Variants in DOCK1 observed in about 807,000 individuals in gnomAD.
DOCK1 encodes dedicator of cytokinesis 1.
DOCK1 carries 138 observed loss-of-function variants against 262.7 expected under a neutral mutation model. The ratio of observed to expected loss-of-function variants is 0.53; its 90% CI spans 0.46 to 0.61. The LOEUF (loss-of-function observed/expected upper bound fraction) is 0.61. DOCK1 is among the 20% of genes least tolerant of loss of function. The probability of loss-of-function intolerance (pLI) is 0.00; values close to 1 mark genes in which losing one functional copy is unlikely to be tolerated. For missense variants in DOCK1, 1,908 were observed against 2,370.7 expected (o/e 0.80, Z 4.05); for synonymous variants, 866 against 867.4 (o/e 1.00, Z 0.03).
chr10:127,291,768 T>C (rs2061352473), intron 29 of DOCK1, among the ~76,000 whole-genome samples: 1 of 152,220 alleles, frequency 6.6e-6, no homozygotes, highest in Non-Finnish European at 1.5e-5. Flanking sequence ...CTGTTTATTA[T>C]AGCCTACGTA....
chr10:127,350,267 T>TAA (rs34989670), intron 31 of DOCK1, among the ~76,000 whole-genome samples: 23 of 151,392 alleles, frequency 1.5e-4, no homozygotes, highest in East Asian at 5.9e-4. Context: ...GGGGACGCTT[T>TAA]AAAAAAAACC....
In DOCK1 at chr10:127,394,912, G is replaced by A. The variant is rs111795518; in HGVS notation, c.3928-8143G>A. On this transcript the variant is annotated intron_variant, in intron 38 of 51. Coordinates refer to ENST00000623213, the MANE Select transcript of DOCK1 (RefSeq NM_001290223.2). ...CCTTCCGCCCATCACACAGGTGGGCGCTGGGTCTCCCTATCCCACAGGTGC... is the reference window on the plus strand; with the variant it reads ...CCTTCCGCCCATCACACAGGTGGGCACTGGGTCTCCCTATCCCACAGGTGC... Among the ~76,000 whole-genome samples, 1,284 of 152,262 alleles carry A rather than the reference G, an allele frequency of 8.4e-3. 20 individuals carry two copies. The highest frequency in any genetic ancestry group is 0.03 in the African/African-American group (1,227 of 41,554).
chr10:126,986,999 A>C (rs751048835), intron 4 of DOCK1, among the ~76,000 whole-genome samples: 8 of 152,216 alleles, frequency 5.3e-5, no homozygotes, highest in Non-Finnish European at 1.2e-4. Flanking sequence ...AGTTGGCATC[A>C]GATAGAGTAA....
intron 29 of DOCK1, among the ~76,000 whole-genome samples, chr10:127,261,192 GGTGT>G (rs147196926): frequency 7.1e-5 from 7 of 98,082 alleles, no homozygotes; most frequent in Admixed American, 2.2e-4. Flanking sequence ...TGTGCATGCG[GGTGT>G]GTGTGTGTAC....
At position 127,175,438 on chromosome 10, in the gene DOCK1, C is replaced by T. The variant is rs781714055; in HGVS notation, c.2847+47674C>T. On this transcript the variant is annotated intron_variant, in intron 27 of 51. Coordinates refer to ENST00000623213, the MANE Select transcript of DOCK1 (RefSeq NM_001290223.2). This position sits in a 1 kb window ranked among gnomAD's most constrained non-coding sequence, Gnocchi z 6.3. ...GGGGTGTGAGTCTGCGACGGCTGCT[C>T]ACTACATTCGGGGGACAGGCACTGC... The T allele has an allele frequency of 5.0e-6, 8 of 1,612,378 alleles. No individual in the cohort carries two copies. Among genetic ancestry groups the T allele is most frequent in the African/African-American group, 2.7e-5 (2 of 74,916 alleles).
intron 33 of DOCK1, among the ~76,000 whole-genome samples, chr10:127,371,390 T>A (rs1165212584): frequency 6.6e-6 from 1 of 152,250 alleles, no homozygotes; most frequent in Admixed American, 6.5e-5. Context: ...ATCATTAAGT[T>A]CATCAGTCAG....
At chr10:127,262,741 C>T (rs2060219508) in intron 29 of DOCK1, among the ~76,000 whole-genome samples, 1 of 152,192 alleles carries the variant, frequency 6.6e-6, no homozygotes, top group South Asian at 2.1e-4. Flanking sequence ...TGAGGCATTG[C>T]ACGTTTGCGT....
chr10:127,208,816 G>T (rs991454364), intron 27 of DOCK1, among the ~76,000 whole-genome samples: 1 of 152,100 alleles, frequency 6.6e-6, no homozygotes, highest in African/African-American at 2.4e-5. Context: ...AGATAATAAC[G>T]TTGAGATATT....
At chr10:127,099,862 C>T (rs748837243) in intron 23 of DOCK1, among the ~76,000 whole-genome samples, 12 of 152,162 alleles carry the variant, frequency 7.9e-5, no homozygotes, top group Non-Finnish European at 1.5e-4. Flanking sequence ...AAGCTAAGGA[C>T]TGAGGGGTAC....
At chr10:127,140,073 A>C (rs2051077340) in intron 27 of DOCK1, among the ~76,000 whole-genome samples, 1 of 152,172 alleles carries the variant, frequency 6.6e-6, no homozygotes, top group Non-Finnish European at 1.5e-5. Context: ...TGTGTTCTCC[A>C]GATCGTAACC....
At chr10:127,282,517 C>T (rs2060998876) in intron 29 of DOCK1, among the ~76,000 whole-genome samples, 1 of 152,200 alleles carries the variant, frequency 6.6e-6, no homozygotes, top group African/African-American at 2.4e-5. Flanking sequence ...TTCATTGACA[C>T]TTCTGCCCAT....
At chr10:127,359,577 C>T (rs2064311871) in intron 32 of DOCK1, among the ~76,000 whole-genome samples, 1 of 152,318 alleles carries the variant, frequency 6.6e-6, no homozygotes, top group South Asian at 2.1e-4. Flanking sequence ...CAAGAGAATG[C>T]TTTGCAGCAG....
chr10:127,265,030 T>G (rs1490078992), intron 29 of DOCK1, among the ~76,000 whole-genome samples: 4 of 152,212 alleles, frequency 2.6e-5, no homozygotes, highest in African/African-American at 9.6e-5. Flanking sequence ...AGGAATCAGT[T>G]GAGAATTCAA....
At chr10:127,189,213 T>G (rs1199128398) in intron 27 of DOCK1, among the ~76,000 whole-genome samples, 1 of 152,232 alleles carries the variant, frequency 6.6e-6, no homozygotes, top group African/African-American at 2.4e-5. Context: ...ACTTATACTT[T>G]AAAGCTGCAT....
At chr10:127,007,676 C>G (rs533481013) in intron 10 of DOCK1, 2 of 152,230 alleles carry the variant, frequency 1.3e-5, no homozygotes, top group Non-Finnish European at 2.9e-5. Flanking sequence ...AAGAAGATGG[C>G]AAAGGATATT....
At chr10:127,131,087 T>C (rs1164489548) in intron 27 of DOCK1, among the ~76,000 whole-genome samples, 2 of 152,190 alleles carry the variant, frequency 1.3e-5, no homozygotes, top group African/African-American at 4.8e-5. Flanking sequence ...ACCCCTGTGT[T>C]CTAAGGAACC....
intron 1 of DOCK1, among the ~76,000 whole-genome samples, chr10:126,946,478 G>A (rs1007680711): frequency 0.051 from 7,763 of 152,148 alleles, 264 homozygotes; most frequent in Middle Eastern, 0.16. Flanking sequence ...CCCGGAAGGC[G>A]GAGGTTGCAG....
chr10:127,274,163 G>A (rs1290713774), intron 29 of DOCK1, among the ~76,000 whole-genome samples: 4 of 152,140 alleles, frequency 2.6e-5, no homozygotes, highest in East Asian at 1.9e-4. Flanking sequence ...TGACAGAAAC[G>A]GTAGAGAAAG....
In DOCK1 at chr10:127,125,456, A is replaced by T; in HGVS notation, c.2624-18A>T. 6.2e-7 allele frequency: 1 copy of T among 1,611,762 alleles called. No homozygotes were observed. Among genetic ancestry groups the T allele is most frequent in the South Asian group, 1.1e-5 (1 of 90,886 alleles). On this transcript the variant is annotated intron_variant, in intron 25 of 51. Transcript: ENST00000623213. ...TTGGTGGGTTTCACACTGACTGGCA[A>T]TGCTGTGTCCTGTGTAGACTGCAGA...
Sources: gnomAD v4.1 joint callset for allele counts (sites outside exome capture counted in the v4.1 genomes callset) on GRCh38, gnomAD v4.1.1 for gene constraint, Gnocchi (gnomAD v3.1) non-coding constraint, MANE v1.5 for transcripts, NCBI Gene and HGNC (gene_info 2026-07-23, HGNC 2026-07-21) for gene names.